HACE1: variants seen among roughly 807,000 people sequenced by gnomAD.
HACE1 encodes the protein E3 ubiquitin-protein ligase HACE1.
A neutral mutation model predicts 118.4 loss-of-function variants in HACE1; 73 were observed. The ratio of observed to expected loss-of-function variants is 0.62; its 90% CI spans 0.51 to 0.75. The LOEUF (loss-of-function observed/expected upper bound fraction) is 0.75. Among genes scored for constraint, HACE1 ranks in the 30% least tolerant of loss-of-function variants. The probability of loss-of-function intolerance (pLI) is 0.00; values close to 1 mark genes in which losing one functional copy is unlikely to be tolerated. For missense variants in HACE1, 749 were observed against 1,102.2 expected, an observed-to-expected ratio of 0.68 and a Z score of 4.54; for synonymous variants, 368 against 374.8, an observed-to-expected ratio of 0.98 and a Z score of 0.21.
intron 10 of HACE1, among the ~76,000 whole-genome samples, chr6:104,791,953 G>T (rs773965000): frequency 6.6e-6 from 1 of 152,000 alleles, no homozygotes; most frequent in South Asian, 2.1e-4. Flanking sequence ...CAACTTCAAG[G>T]CAACTCCTAA....
Position 104,750,606 on chromosome 6 carries a change from C to A in HACE1, c.2212-134G>T, listed in dbSNP as rs1263052186. ...CCAACACTCATACATCTCAGCAAAT[C>A]AGCAAGCCACTATTCACTAAGCTGT... On this transcript the variant is annotated intron_variant, in intron 19 of 23. Transcript: ENST00000262903. The A allele has an allele frequency of 1.1e-5, 9 of 819,176 alleles. No homozygotes were observed. In the Admixed American group the frequency reaches 2.0e-4, roughly 18 times the overall value. 50.7% of individuals were successfully genotyped at this position (819,176 alleles called of 1,614,324 possible).
intron 1 of HACE1, among the ~76,000 whole-genome samples, chr6:104,856,696 A>G (rs1776754720): frequency 6.6e-6 from 1 of 152,122 alleles, no homozygotes; most frequent in Non-Finnish European, 1.5e-5. Context: ...CGGCCTCCCA[A>G]AGTGCTGGGA....
Position 104,833,301 on chromosome 6 carries a change from T to C in HACE1, c.403-128A>G. 3 of 838,230 alleles carry C rather than the reference T, an allele frequency of 3.6e-6. No homozygotes were observed. In the South Asian group the frequency reaches 4.1e-5, roughly 12 times the overall value. 51.9% of individuals were successfully genotyped at this position (838,230 alleles called of 1,614,324 possible). ...AATCTAAAGGTGTTTTAAGTCCATG[T>C]AATGGTTTAAAACTAAAGGTATTTT... On this transcript the variant is annotated intron_variant, in intron 5 of 23. Transcript: ENST00000262903.
At chr6:104,857,269 C>T (rs1235440219) in intron 1 of HACE1, among the ~76,000 whole-genome samples, 1 of 150,186 alleles carries the variant, frequency 6.7e-6, no homozygotes, top group Non-Finnish European at 1.5e-5. Flanking sequence ...AATTCAAAGA[C>T]TCATCAGAGC....
chr6:104,756,424 A>AT (rs1427901051), intron 19 of HACE1, among the ~76,000 whole-genome samples: 285 of 122,028 alleles, frequency 2.3e-3, no homozygotes, highest in Admixed American at 2.6e-3. Context: ...AAAAAAAAAA[A>AT]AAATATATAT....
chr6:104,737,282 CAAAAAAA>C (rs59915070), intron 22 of HACE1, among the ~76,000 whole-genome samples: 12 of 42,720 alleles, frequency 2.8e-4, no homozygotes, highest in Admixed American at 6.9e-4. Context: ...GACTCTCTCT[CAAAAAAA>C]AAAAAAAAAA....
intron 22 of HACE1, among the ~76,000 whole-genome samples, chr6:104,741,098 C>T (rs1776622287): frequency 1.0e-5 from 1 of 97,296 alleles, no homozygotes; most frequent in Non-Finnish European, 1.9e-5. Context: ...AGGCCTTTGA[C>T]AAAATTCAAC....
chr6:104,754,680 C>T (rs576591225), intron 19 of HACE1, among the ~76,000 whole-genome samples: 14 of 152,228 alleles, frequency 9.2e-5, no homozygotes, highest in African/African-American at 3.4e-4. Flanking sequence ...CATATCTGGA[C>T]AAACTAAGCT....
chr6:104,739,138 A>T (rs1332118526), intron 22 of HACE1, among the ~76,000 whole-genome samples: 11 of 152,166 alleles, frequency 7.2e-5, no homozygotes, highest in African/African-American at 1.2e-4. Context: ...TGTCACCACC[A>T]GGCCTGCCCT....
At chr6:104,857,101 T>C (rs73768850) in intron 1 of HACE1, among the ~76,000 whole-genome samples, 398 of 150,850 alleles carry the variant, frequency 2.6e-3, no homozygotes, top group African/African-American at 9.4e-3. Context: ...TCCATTCAGC[T>C]CTTAAAATGT....
At chr6:104,790,372 C>G (rs1782898038) in intron 11 of HACE1, among the ~76,000 whole-genome samples, 1 of 152,206 alleles carries the variant, frequency 6.6e-6, no homozygotes, top group African/African-American at 2.4e-5. Context: ...TCAATCCTAA[C>G]TAGTTTTCAA....
At position 104,797,724 on chromosome 6, in the gene HACE1, G is replaced by C. The variant is rs145770492; in HGVS notation, c.618-699C>G. On this transcript the variant is annotated intron_variant, in intron 7 of 23. Transcript: ENST00000262903. Reference sequence around the variant, plus strand: ...GATTGCCCTCCTTCTTGTAGAAGTAGAATTGTGTAACTATCACTCCAGGGA... The same window carrying C: ...GATTGCCCTCCTTCTTGTAGAAGTACAATTGTGTAACTATCACTCCAGGGA... Among the ~76,000 whole-genome samples, 23 of 152,072 alleles carry C rather than the reference G, an allele frequency of 1.5e-4. No individual in the cohort carries two copies. The East Asian group carries it at 4.5e-3, about 30-fold the overall frequency.
intron 6 of HACE1, among the ~76,000 whole-genome samples, chr6:104,812,353 G>A (rs972741637): frequency 6.6e-6 from 1 of 151,914 alleles, no homozygotes; most frequent in African/African-American, 2.4e-5. Context: ...GGCTGAGGTG[G>A]GAGGATCATT....
intron 22 of HACE1, among the ~76,000 whole-genome samples, chr6:104,740,568 G>T (rs1776544553): frequency 6.6e-6 from 1 of 151,380 alleles, no homozygotes; most frequent in Admixed American, 6.6e-5. Context: ...AGAAGAAATG[G>T]ATAAATTCCT....
intron 5 of HACE1, among the ~76,000 whole-genome samples, chr6:104,841,357 C>G (rs963314106): frequency 6.6e-6 from 1 of 152,148 alleles, no homozygotes; most frequent in Non-Finnish European, 1.5e-5. Context: ...GCAATTAAAA[C>G]AGATTATATT....
chr6:104,838,890 T>A (rs1316185609), intron 5 of HACE1, among the ~76,000 whole-genome samples: 23 of 58,830 alleles, frequency 3.9e-4, no homozygotes, highest in African/African-American at 6.2e-4. Context: ...AACTCCATAG[T>A]AAAAAAAAAA....
intron 20 of HACE1, 138 bp from the exon 21 acceptor site, chr6:104,744,748 C>T (rs1777218790): frequency 1.6e-6 from 1 of 644,600 alleles, no homozygotes. Context: ...TGCATGTCAT[C>T]AACAACAAGC....
chr6:104,831,980 G>GAAGAGAAGAGGAGGAAGGA (rs71003447), intron 6 of HACE1, among the ~76,000 whole-genome samples: 7 of 62,862 alleles, frequency 1.1e-4, no homozygotes, highest in Non-Finnish European at 1.8e-4. Flanking sequence ...GAAGAGAAGA[G>GAAGAGAAGAGGAGGAAGGA]AGGAAGGAAG....
At chr6:104,852,224 T>C (rs1562514641) in intron 2 of HACE1, 93 bp downstream of exon 2, 14 of 720,196 alleles carry the variant, frequency 1.9e-5, no homozygotes, top group African/African-American at 1.4e-4. Context: ...TGTGTGTGTG[T>C]GTGTGCGCGC....
Sources: gnomAD v4.1 joint callset for allele counts (sites outside exome capture counted in the v4.1 genomes callset) on GRCh38, gnomAD v4.1.1 for gene constraint, MANE v1.5 for transcripts, NCBI Gene and HGNC (gene_info 2026-07-23, HGNC 2026-07-21) for gene names.